Variants in GPR160 observed in about 807,000 individuals in gnomAD.
GPR160 encodes G protein-coupled receptor 160, also known as probable G protein-coupled receptor 160.
A neutral mutation model predicts 2.6 loss-of-function variants in GPR160; 2 were observed. That is an observed-to-expected ratio of 0.77 (90% CI 0.32 to 2.44). GPR160 has a LOEUF of 2.44. Among genes scored for constraint, GPR160 ranks in the 30% most tolerant of loss-of-function variants. GPR160 has a pLI of 0.11. For synonymous variants in GPR160, 130 were observed against 132.2 expected, an observed-to-expected ratio of 0.98 and a Z score of 0.12; for missense variants, 351 against 383.6, an observed-to-expected ratio of 0.91 and a Z score of 0.71.
intron 2 of GPR160, among the ~76,000 whole-genome samples, chr3:170,055,855 C>T (rs1179264799): frequency 6.6e-6 from 1 of 152,120 alleles, no homozygotes; most frequent in Non-Finnish European, 1.5e-5. Flanking sequence ...AGGATGGTCT[C>T]GATCTCCTCA....
At chr3:170,051,317 G>T (rs1716949637) in intron 2 of GPR160, among the ~76,000 whole-genome samples, 1 of 152,000 alleles carries the variant, frequency 6.6e-6, no homozygotes, top group Non-Finnish European at 1.5e-5. Flanking sequence ...CATCTTTGAT[G>T]ACACGTCTAG....
chr3:170,060,524 A>G (rs1711883268), intron 2 of GPR160, among the ~76,000 whole-genome samples: 1 of 152,182 alleles, frequency 6.6e-6, no homozygotes. Context: ...CCACTTTGGG[A>G]GGCCTAGGAG....
rs547281040 is a variant in GPR160, at chr3:170,054,936, G to A, written c.-193+15893G>A. Among the ~76,000 whole-genome samples, 22 of 151,878 alleles carry A rather than the reference G, an allele frequency of 1.4e-4. 1 individual carries two copies. Among genetic ancestry groups the A allele is most frequent in the African/African-American group, 4.8e-4 (20 of 41,418 alleles). ...AGCCTCCCTAGTAGCTGGGATTACC[G>A]CCATCTGCTACCATGCCCAGCTACT... On this transcript the variant is annotated intron_variant, in intron 2 of 3. Coordinates refer to ENST00000355897, the MANE Select transcript of GPR160 (RefSeq NM_014373.3).
At chr3:170,039,823 A>C (rs552782242) in intron 2 of GPR160, among the ~76,000 whole-genome samples, 1 of 152,362 alleles carries the variant, frequency 6.6e-6, no homozygotes, top group Non-Finnish European at 1.5e-5. Flanking sequence ...ATCCTGATTA[A>C]GGTTTTTAAA....
At chr3:170,047,694 G>GTATATACACATCACATATACACATACA (rs545153617) in intron 2 of GPR160, among the ~76,000 whole-genome samples, 30 of 151,918 alleles carry the variant, frequency 2.0e-4, no homozygotes, top group Non-Finnish European at 3.1e-4. Flanking sequence ...TGTGATATAT[G>GTATATACACATCACATATACACATACA]TATATACACA....
At chr3:170,054,091 C>A in intron 2 of GPR160, among the ~76,000 whole-genome samples, 2 of 141,232 alleles carry the variant, frequency 1.4e-5, no homozygotes, top group African/African-American at 2.6e-5. Flanking sequence ...AACTAAAAAG[C>A]AGCGTTTGTG....
chr3:170,062,953 C>T (rs1712051201), intron 2 of GPR160: 2 of 301,336 alleles, frequency 6.6e-6, no homozygotes, highest in Non-Finnish European at 1.3e-5. Context: ...TCACCGACGC[C>T]ACGGGACCCC....
rs189210476 is a variant in GPR160 at position 170,040,164 on chromosome 3, C to T, written c.-193+1121C>T. Among the ~76,000 whole-genome samples the T allele has an allele frequency of 1.1e-3, 166 of 152,280 alleles. 1 individual carries two copies. Among genetic ancestry groups the T allele is most frequent in the Middle Eastern group, 3.4e-3 (1 of 294 alleles). ...TATTAACAAACCTGCACATTCAGCA[C>T]CTGTATCCCAGAACTTAAAGTAAAA... On this transcript the variant is annotated intron_variant, in intron 2 of 3. Coordinates refer to ENST00000355897, the MANE Select transcript of GPR160 (RefSeq NM_014373.3).
At chr3:170,058,221 T>C (rs1454851505) in intron 2 of GPR160, among the ~76,000 whole-genome samples, 1 of 152,190 alleles carries the variant, frequency 6.6e-6, no homozygotes, top group Admixed American at 6.5e-5. Context: ...ACTTCTCTCG[T>C]GTAGCAGGCC....
rs35969156 is a variant in GPR160, at chr3:170,084,908, C to G, written c.936C>G (p.Val312=). The G allele has an allele frequency of 8.9e-5, 143 of 1,606,904 alleles. No homozygotes were observed. The African/African-American group carries it at 1.6e-3, about 18-fold the overall frequency. ...TTGGATTACCTTTGGATCCATTTGTCAACTGGAAGTGCTGCTTCATTCCAC... is the reference window on the plus strand; with the variant it reads ...TTGGATTACCTTTGGATCCATTTGTGAACTGGAAGTGCTGCTTCATTCCAC... ...KDIGLPLDPF[V]NWKCCFIPLT... The change falls in exon 4 of 4, where the codon GTC becomes GTG. Residue 312 remains valine, a synonymous_variant. Transcript: ENST00000355897.
intron 2 of GPR160, among the ~76,000 whole-genome samples, chr3:170,079,178 CT>C (rs1713009193): frequency 6.6e-6 from 1 of 152,208 alleles, no homozygotes; most frequent in Non-Finnish European, 1.5e-5. Flanking sequence ...AGGCTGCTCT[CT>C]TCTTCGGCCA....
At chr3:170,053,963 T>G (rs1342662635) in intron 2 of GPR160, among the ~76,000 whole-genome samples, 1 of 151,996 alleles carries the variant, frequency 6.6e-6, no homozygotes, top group African/African-American at 2.4e-5. Context: ...GTTTTTTGTT[T>G]TTTTTTTTAA....
At chr3:170,078,266 G>C (rs868516655) in intron 2 of GPR160, among the ~76,000 whole-genome samples, 1 of 152,084 alleles carries the variant, frequency 6.6e-6, no homozygotes, top group Admixed American at 6.6e-5. Flanking sequence ...CCTTAGTTAG[G>C]GCTGCTTGGG....
intron 2 of GPR160, among the ~76,000 whole-genome samples, chr3:170,066,431 G>A (rs1470154417): frequency 2.6e-5 from 4 of 151,944 alleles, no homozygotes; most frequent in Non-Finnish European, 5.9e-5. Context: ...GAGCCACCGC[G>A]CCTGGCCATT....
chr3:170,067,326 G>A (rs765412242), intron 2 of GPR160, among the ~76,000 whole-genome samples: 2 of 152,124 alleles, frequency 1.3e-5, no homozygotes, highest in Non-Finnish European at 2.9e-5. Flanking sequence ...GAGTGATGCT[G>A]ATCCTTCTTT....
rs763587492 is a variant in GPR160 at position 170,084,213 on chromosome 3, G to A, written c.241G>A (p.Asp81Asn). ...CATTTCCATTATATTGTATTTCAGG[G>A]ATTTTGTACTTTTAAGCATTAGGTT... ...VNISIILYFRDFVLLSIRFTK... is the reference protein window; with the variant it reads ...VNISIILYFRNFVLLSIRFTK... The change falls in exon 4 of 4, where the codon GAT becomes AAT. Residue 81 changes from aspartate to asparagine, a missense_variant. Asp to Asn is a conservative substitution (Grantham distance 23). Transcript: ENST00000355897. 5 of 1,599,694 alleles carry A rather than the reference G, an allele frequency of 3.1e-6. No homozygotes were observed. In the South Asian group the frequency reaches 5.6e-5, roughly 18 times the overall value.
chr3:170,060,753 A>T (rs1191052957), intron 2 of GPR160, among the ~76,000 whole-genome samples: 1 of 152,178 alleles, frequency 6.6e-6, no homozygotes, highest in Non-Finnish European at 1.5e-5. Flanking sequence ...CTTCAGCAAC[A>T]CAGTGAGACC....
At chr3:170,079,169 GGCT>G (rs1713008137) in intron 2 of GPR160, among the ~76,000 whole-genome samples, 1 of 152,220 alleles carries the variant, frequency 6.6e-6, no homozygotes, top group Non-Finnish European at 1.5e-5. Context: ...AGCTGTTCAA[GGCT>G]GCTCTCTTCT....
At chr3:170,060,134 G>A (rs550295422) in intron 2 of GPR160, among the ~76,000 whole-genome samples, 1 of 152,178 alleles carries the variant, frequency 6.6e-6, no homozygotes, top group East Asian at 1.9e-4. Flanking sequence ...AACTGGGATG[G>A]CAAAAGATAC....
Sources: gnomAD v4.1 joint callset for allele counts (sites outside exome capture counted in the v4.1 genomes callset) on GRCh38, gnomAD v4.1.1 for gene constraint, MANE v1.5 for transcripts, NCBI Gene and HGNC (gene_info 2026-07-23, HGNC 2026-07-21) for gene names.